ZNF346: variants seen among roughly 807,000 people sequenced by gnomAD.
The protein encoded by ZNF346 is zinc finger protein 346, also known as double-stranded RNA-binding zinc finger protein JAZ.
A neutral mutation model predicts 33.7 loss-of-function variants in ZNF346; 23 were observed. The ratio of observed to expected loss-of-function variants is 0.68; its 90% CI spans 0.49 to 0.97. The LOEUF (loss-of-function observed/expected upper bound fraction) is 0.97, where lower values mean the gene tolerates loss of function less well. Ranked by LOEUF, ZNF346 falls within the 50% of genes least tolerant of loss-of-function variation. The pLI, the probability that ZNF346 is intolerant of heterozygous loss-of-function variation, is 0.00. For synonymous variants in ZNF346, 134 were observed against 142.4 expected, an observed-to-expected ratio of 0.94 and a Z score of 0.42; for missense variants, 340 against 371.1, an observed-to-expected ratio of 0.92 and a Z score of 0.69.
intron 1 of ZNF346, chr5:177,023,145 C>A: frequency 1.3e-6 from 2 of 1,526,200 alleles, no homozygotes; most frequent in Non-Finnish European, 8.8e-7. Flanking sequence ...CCTCCTCCTT[C>A]ATCATTCACT....
At chr5:177,060,805 T>G (rs1228433708) in intron 5 of ZNF346, among the ~76,000 whole-genome samples, 1 of 143,306 alleles carries the variant, frequency 7.0e-6, no homozygotes, top group African/African-American at 2.8e-5. Context: ...CAAAACTCCA[T>G]CTCTAAATAA....
At chr5:177,078,181 G>A (rs1783843628) in intron 8 of ZNF346, among the ~76,000 whole-genome samples, 1 of 152,216 alleles carries the variant, frequency 6.6e-6, no homozygotes, top group African/African-American at 2.4e-5. Context: ...GAATGCCTGA[G>A]AGGAGTCCAG....
intron 5 of ZNF346, among the ~76,000 whole-genome samples, chr5:177,057,068 T>C (rs1319360999): frequency 1.3e-5 from 2 of 152,192 alleles, no homozygotes; most frequent in Admixed American, 6.5e-5. Flanking sequence ...CTCAGCACTT[T>C]GGGAGGCCGA....
chr5:177,062,225 T>G, intron 6 of ZNF346, 74 bp downstream of exon 6: 1 of 1,266,310 alleles, frequency 7.9e-7, no homozygotes, highest in Non-Finnish European at 1.1e-6. Flanking sequence ...CAAAGCCAGG[T>G]AGTTCTCGGC....
chr5:177,080,572 G>A (rs1050525959), exon 9 of ZNF346: 10 of 152,184 alleles, frequency 6.6e-5, no homozygotes, highest in African/African-American at 2.4e-4. Context: ...AGCCCTTTGG[G>A]AGACTGAGGC....
chr5:177,042,560 TC>T (rs1779473561), intron 3 of ZNF346, among the ~76,000 whole-genome samples: 1 of 151,732 alleles, frequency 6.6e-6, no homozygotes, highest in South Asian at 2.1e-4. Context: ...AAATTTCAAT[TC>T]CTAGTAGATG....
At chr5:177,057,802 T>TTATG (rs1781921674) in intron 5 of ZNF346, among the ~76,000 whole-genome samples, 1 of 98,320 alleles carries the variant, frequency 1.0e-5, no homozygotes, top group Non-Finnish European at 2.2e-5. Context: ...ATTTTCTTAT[T>TTATG]TATTTATTTA....
At chr5:177,075,260 G>A (rs1340838303) in intron 8 of ZNF346, among the ~76,000 whole-genome samples, 4 of 151,598 alleles carry the variant, frequency 2.6e-5, no homozygotes, top group South Asian at 2.1e-4. Flanking sequence ...AAAACTAGCC[G>A]GGCATGGTGG....
At chr5:177,075,689 T>G (rs1783715608) in intron 8 of ZNF346, among the ~76,000 whole-genome samples, 1 of 149,838 alleles carries the variant, frequency 6.7e-6, no homozygotes, top group African/African-American at 2.5e-5. Context: ...GCTAATTTTT[T>G]TTTCCTTTTT....
In ZNF346 at chr5:177,027,128, C is replaced by T. The variant is rs776017070; in HGVS notation, c.175+4215C>T. 1.6e-4 allele frequency among the ~76,000 whole-genome samples: 24 copies of T among 151,958 alleles called. No individual in the cohort carries two copies. The South Asian group carries it at 2.5e-3, about 16-fold the overall frequency. On this transcript the variant is annotated intron_variant, in intron 1 of 6. Coordinates refer to ENST00000358149, the MANE Select transcript of ZNF346 (RefSeq NM_012279.4). ...AGTGCAGTGGTGTGATCTCGGCTCA[C>T]TGCAACCTTTGCCTCCCGGGTTCAA...
intron 1 of ZNF346, among the ~76,000 whole-genome samples, chr5:177,038,778 G>A (rs551065200): frequency 1.3e-5 from 2 of 152,114 alleles, no homozygotes; most frequent in South Asian, 4.1e-4. Flanking sequence ...AGGAAGTGAT[G>A]ACTGAACTCT....
intron 1 of ZNF346, among the ~76,000 whole-genome samples, chr5:177,025,500 T>C (rs1332788908): frequency 6.6e-6 from 1 of 152,182 alleles, no homozygotes; most frequent in Non-Finnish European, 1.5e-5. Flanking sequence ...TGGCTTCACC[T>C]TTTATATTTC....
At chr5:177,063,542 C>T (rs1415937877) in intron 6 of ZNF346, among the ~76,000 whole-genome samples, 1 of 152,156 alleles carries the variant, frequency 6.6e-6, no homozygotes, top group Non-Finnish European at 1.5e-5. Flanking sequence ...TCCCTTGCAG[C>T]CTGGCTGATG....
intron 1 of ZNF346, among the ~76,000 whole-genome samples, chr5:177,036,566 C>T (rs1778545194): frequency 6.6e-6 from 1 of 152,112 alleles, no homozygotes; most frequent in African/African-American, 2.4e-5. Flanking sequence ...CTCAGGGTGG[C>T]CATGAGTATG....
intron 1 of ZNF346, among the ~76,000 whole-genome samples, chr5:177,038,275 G>T (rs115444080): frequency 0.29 from 38,931 of 133,752 alleles, 6,888 homozygotes; most frequent in African/African-American, 0.5. Flanking sequence ...TTTTGTGTGT[G>T]TGTGTTTTTT....
intron 1 of ZNF346, among the ~76,000 whole-genome samples, chr5:177,023,836 C>G (rs2456181): frequency 0.57 from 87,028 of 151,682 alleles, 26,531 homozygotes; most frequent in African/African-American, 0.79. Flanking sequence ...GACTTGTCTT[C>G]GAAAGTTTAA....
At chr5:177,035,217 A>G (rs1246786734) in intron 1 of ZNF346, among the ~76,000 whole-genome samples, 1 of 152,056 alleles carries the variant, frequency 6.6e-6, no homozygotes, top group Non-Finnish European at 1.5e-5. Context: ...GGGGTTTGCC[A>G]TGTTGGCGAG....
chr5:177,062,629 C>CA, intron 6 of ZNF346, among the ~76,000 whole-genome samples: 1 of 152,308 alleles, frequency 6.6e-6, no homozygotes, highest in East Asian at 1.9e-4. Context: ...TGGGAGGAAA[C>CA]AGACTAAGCA....
chr5:177,030,338 G>T (rs1190186003), intron 1 of ZNF346, among the ~76,000 whole-genome samples: 1 of 151,898 alleles, frequency 6.6e-6, no homozygotes, highest in Non-Finnish European at 1.5e-5. Context: ...TAGTGCAACT[G>T]GGCTGGGGGC....
Sources: gnomAD v4.1 joint callset for allele counts (sites outside exome capture counted in the v4.1 genomes callset) on GRCh38, gnomAD v4.1.1 for gene constraint, MANE v1.5 for transcripts, NCBI Gene and HGNC (gene_info 2026-07-23, HGNC 2026-07-21) for gene names.